The following BICRA variants were observed in gnomAD, a reference collection of about 807,000 sequenced individuals.
The protein encoded by BICRA is BRD4-interacting chromatin-remodeling complex-associated protein.
A neutral mutation model predicts 96.9 loss-of-function variants in BICRA; 31 were observed. The observed-to-expected ratio is 0.32, with a 90% CI of 0.24 to 0.43. The LOEUF is 0.43. Ranked by LOEUF, BICRA falls within the 20% of genes least tolerant of loss-of-function variation. The pLI, the probability that BICRA is intolerant of heterozygous loss-of-function variation, is 1.00. For synonymous variants in BICRA, 1,350 were observed against 1,071.8 expected, an observed-to-expected ratio of 1.26 and a Z score of -5.07; for missense variants, 2,283 against 2,190.3, an observed-to-expected ratio of 1.04 and a Z score of -0.84.
Position 47,696,894 on chromosome 19 carries a change from G to C in BICRA, c.3248+382G>C, listed in dbSNP as rs549867088. Among the ~76,000 whole-genome samples the C allele has an allele frequency of 7.9e-5, 12 of 152,154 alleles. No individual in the cohort carries two copies. In the South Asian group the frequency reaches 1.5e-3, roughly 18 times the overall value. The stretch of plus-strand genomic sequence containing the variant: ...GACATGGCTGTTGGGAGGATGATGG[G>C]GGGGGTGTTTGGGGATGGATGGATG... On this transcript the variant is annotated intron_variant, in intron 11 of 14. Transcript: ENST00000594866.
intron 1 of BICRA, among the ~76,000 whole-genome samples, chr19:47,652,172 G>A (rs541520709): frequency 1.3e-5 from 2 of 152,240 alleles, no homozygotes; most frequent in East Asian, 3.9e-4. Flanking sequence ...TTTCAGGTAT[G>A]GAAGGGTGGA....
At chr19:47,617,241 C>G (rs1421768953) in intron 1 of BICRA, among the ~76,000 whole-genome samples, 1 of 152,086 alleles carries the variant, frequency 6.6e-6, no homozygotes, top group Non-Finnish European at 1.5e-5. Context: ...TCCCAAAGTC[C>G]TGGGATTATA....
rs890072655 is a variant in BICRA, at chr19:47,693,970, G to T, written c.2284-145G>T. The T allele has an allele frequency of 4.2e-6, 4 of 949,174 alleles. No homozygotes were observed. The African/African-American group carries it at 5.1e-5, about 12-fold the overall frequency. 58.8% of individuals were successfully genotyped at this position (949,174 alleles called of 1,614,324 possible). A position where few individuals can be genotyped will look rare whatever the true frequency, so the allele number is the denominator to read the frequency against. ...AGAGGCGAGGGAGGGAAGGGCAGCC[G>T]TGGTGGGCTCCTCTCTCAGGATGGG... On this transcript the variant is annotated intron_variant, in intron 7 of 14. Coordinates refer to ENST00000594866, the MANE Select transcript of BICRA (RefSeq NM_001394372.1).
Position 47,698,539 on chromosome 19 carries a change from T to G in BICRA, c.3249-95T>G. The G allele has an allele frequency of 1.4e-6, 1 of 697,966 alleles. No individual in the cohort carries two copies. The highest frequency in any genetic ancestry group is 1.6e-5 in the South Asian group (1 of 61,658). 43.2% of individuals were successfully genotyped at this position (697,966 alleles called of 1,614,324 possible). On this transcript the variant is annotated intron_variant, in intron 11 of 14. Coordinates refer to ENST00000594866, the MANE Select transcript of BICRA (RefSeq NM_001394372.1). The surrounding 1 kb of genome is among the most constrained non-coding windows in gnomAD (Gnocchi z 4.8). ...TCCCCTTCCCGCTGTTGTGTTCAGT[T>G]GCGGCCTGGGGCTGAGGGTTCAGGG...
At position 47,689,362 on chromosome 19, in the gene BICRA, C is replaced by T. The variant is rs534651026; in HGVS notation, c.2284-4753C>T. Among the ~76,000 whole-genome samples the T allele has an allele frequency of 5.9e-5, 9 of 151,972 alleles. No individual in the cohort carries two copies. In the South Asian group the frequency reaches 1.2e-3, roughly 21 times the overall value. ...CAAGCAGTCCTCCTGCCTTGGCCTC[C>T]GAGAGTGCTGGGATTACAGGCATGA... On this transcript the variant is annotated intron_variant, in intron 7 of 14. Transcript: ENST00000594866.
At chr19:47,673,636 C>G in intron 3 of BICRA, 21 bp downstream of exon 3, 1 of 1,582,878 alleles carries the variant, frequency 6.3e-7, no homozygotes, top group African/African-American at 1.3e-5. Context: ...GGCTCCCCAC[C>G]CCCTGCCCTC....
At chr19:47,631,940 C>T (rs534220206) in intron 1 of BICRA, among the ~76,000 whole-genome samples, 4 of 152,328 alleles carry the variant, frequency 2.6e-5, no homozygotes, top group South Asian at 2.1e-4. Flanking sequence ...TGAGCTACTG[C>T]GCCCGGCCTT....
At chr19:47,664,908 C>CT (rs147583600) in intron 1 of BICRA, among the ~76,000 whole-genome samples, 50,643 of 151,654 alleles carry the variant, frequency 0.33, 8,995 homozygotes, top group East Asian at 0.58. Context: ...GGAGCAGGCC[C>CT]ACTGGGTGGG....
chr19:47,695,269 G>C (rs1160882897), intron 9 of BICRA, 96 bp from the exon 10 acceptor site: 3 of 773,640 alleles, frequency 3.9e-6, no homozygotes, highest in Non-Finnish European at 6.5e-6. Context: ...AGGGCCAGGA[G>C]GAGAGCGGTG....
chr19:47,681,127 C>G lies in BICRA; in HGVS notation c.1957C>G (p.Pro653Ala), dbSNP rs755526837. The G allele has an allele frequency of 6.7e-7, 1 of 1,500,508 alleles. No homozygotes were observed. The highest frequency in any genetic ancestry group is 1.2e-5 in the South Asian group (1 of 82,404). 92.9% of individuals were successfully genotyped at this position (1,500,508 alleles called of 1,614,324 possible). A position where few individuals can be genotyped will look rare whatever the true frequency, so the allele number is the denominator to read the frequency against. Reference protein sequence around the residue: ...QAQQPPQAPTPQAAAPPQATT... With the variant: ...QAQQPPQAPTAQAAAPPQATT... ...GCAGCAGCCCCCGCAGGCCCCCACCCCACAGGCCGCCGCCCCGCCTCAGGC... is the reference window on the plus strand; with the variant it reads ...GCAGCAGCCCCCGCAGGCCCCCACCGCACAGGCCGCCGCCCCGCCTCAGGC... Residue 653 changes from proline to alanine, a missense_variant, in exon 6 of 15, where the codon CCA (proline) becomes GCA (alanine). By Grantham distance (27) the Pro-to-Ala change is conservative. Coordinates refer to ENST00000594866, the MANE Select transcript of BICRA (RefSeq NM_001394372.1).
rs1260597505 is a variant in BICRA at position 47,679,978 on chromosome 19, T to A, written c.808T>A (p.Ser270Thr). 6.8e-7 allele frequency: 1 copy of A among 1,481,132 alleles called. No individual in the cohort carries two copies. The highest frequency in any genetic ancestry group is 2.4e-5 in the Admixed American group (1 of 40,996). The allele number at this position is 1,481,132 out of a possible 1,614,324, so 91.7% of individuals were successfully genotyped here. A position where few individuals can be genotyped will look rare whatever the true frequency, so the allele number is the denominator to read the frequency against. Residue 270 changes from serine to threonine, a missense_variant, in exon 6 of 15, where the codon TCG becomes ACG. Ser to Thr is a moderately conservative substitution (Grantham distance 58). Transcript: ENST00000594866. ...SGYLASAAGP[S>T]EPVTLASAGV... is the part of the protein sequence containing the mutation. ...CTACCTGGCCTCGGCGGCTGGCCCCTCGGAGCCCGTGACGCTGGCGTCGGC... is the reference window on the plus strand; with the variant it reads ...CTACCTGGCCTCGGCGGCTGGCCCCACGGAGCCCGTGACGCTGGCGTCGGC...
Position 47,701,839 on chromosome 19 carries a change from C to T in BICRA, c.4107C>T (p.Ala1369=), listed in dbSNP as rs977718836. 57 of 1,518,424 alleles carry T rather than the reference C, an allele frequency of 3.8e-5. No individual in the cohort carries two copies. The African/African-American group carries it at 5.9e-4, about 16-fold the overall frequency. The allele number at this position is 1,518,424 out of a possible 1,614,324, so 94.1% of individuals were successfully genotyped here. A position where few individuals can be genotyped will look rare whatever the true frequency, so the allele number is the denominator to read the frequency against. ...MNGTVDHPPP[A]APERKPLGTA... ...GCACGGTGGACCACCCGCCGCCTGC[C>T]GCCCCCGAGCGCAAGCCCCTGGGCA... The change falls in exon 15 of 15, where the codon GCC becomes GCT. Residue 1369 remains alanine, a synonymous_variant. Transcript: ENST00000594866. The surrounding 1 kb of genome is among the most constrained non-coding windows in gnomAD (Gnocchi z 5.4).
intron 3 of BICRA, 39 bp downstream of exon 3, chr19:47,673,654 AC>A (rs1396909908): frequency 1.3e-6 from 2 of 1,526,904 alleles, no homozygotes; most frequent in East Asian, 2.3e-5. Flanking sequence ...CTCTGTCTCA[AC>A]CCCCTCCCTT....
intron 4 of BICRA, 88 bp downstream of exon 4, chr19:47,673,850 G>A: frequency 1.7e-6 from 2 of 1,158,378 alleles, no homozygotes; most frequent in South Asian, 2.4e-5. Context: ...TCCCTTTGAT[G>A]AGGTAGCCAT....
chr19:47,693,612 T>G (rs1973274425), intron 7 of BICRA, among the ~76,000 whole-genome samples: 1 of 152,218 alleles, frequency 6.6e-6, no homozygotes, highest in Non-Finnish European at 1.5e-5. Context: ...TGCTGGTGTC[T>G]CTTTGCCTTG....
intron 1 of BICRA, among the ~76,000 whole-genome samples, chr19:47,635,045 A>C (rs530851866): frequency 1.3e-5 from 2 of 152,270 alleles, no homozygotes; most frequent in South Asian, 2.1e-4. Flanking sequence ...TACAGGCGTG[A>C]GCCACCGCTC....
chr19:47,634,470 C>T (rs1972268490), intron 1 of BICRA, among the ~76,000 whole-genome samples: 1 of 152,176 alleles, frequency 6.6e-6, no homozygotes, highest in South Asian at 2.1e-4. Flanking sequence ...GGGTTTCACT[C>T]ACTTTCTCTC....
chr19:47,702,013 G>C lies in BICRA; in HGVS notation c.4281G>C (p.Gly1427=), dbSNP rs1459717105. The C allele has an allele frequency of 1.3e-6, 2 of 1,489,010 alleles. No homozygotes were observed. The highest frequency in any genetic ancestry group is 1.8e-6 in the Non-Finnish European group (2 of 1,128,444). 92.2% of individuals were successfully genotyped at this position (1,489,010 alleles called of 1,614,324 possible). A position where few individuals can be genotyped will look rare whatever the true frequency, so the allele number is the denominator to read the frequency against. The stretch of plus-strand genomic sequence containing the variant: ...CCAAAGTGGACGAGGCCACCAGCGG[G>C]CTCATCCGCGAGCTGGCGGCCGTGG... ...LPAKVDEATS[G]LIRELAAVED... The change falls in exon 15 of 15, where the codon GGG becomes GGC. Residue 1427 remains glycine (G), a synonymous_variant. Coordinates refer to ENST00000594866, the MANE Select transcript of BICRA (RefSeq NM_001394372.1).
Position 47,695,422 on chromosome 19 carries a change from T to A in BICRA, c.3134T>A (p.Leu1045Gln). The A allele has an allele frequency of 7.1e-7, 1 of 1,399,040 alleles. No homozygotes were observed. Among genetic ancestry groups the A allele is most frequent in the South Asian group, 1.2e-5 (1 of 85,706 alleles). 86.7% of individuals were successfully genotyped at this position (1,399,040 alleles called of 1,614,324 possible). ...NKAFASNLPT[L>Q]NVAKAASSGP... is the part of the protein sequence containing the mutation. ...GCTTTTGCCAGCAACCTCCCGACCC[T>A]GAATGTGGCCAAGGCCGCTTCCTCC... is the stretch of plus-strand genomic sequence containing the variant. The change falls in exon 10 of 15, where the codon CTG (leucine) becomes CAG (glutamine). Residue 1045 changes from leucine (L) to glutamine (Q), a missense_variant. Coordinates refer to ENST00000594866, the MANE Select transcript of BICRA (RefSeq NM_001394372.1).
Sources: allele counts gnomAD v4.1 joint callset (sites outside exome capture counted in the v4.1 genomes callset), GRCh38; gene constraint gnomAD v4.1.1; non-coding constraint Gnocchi (gnomAD v3.1); transcripts MANE v1.5; gene names NCBI Gene and HGNC (gene_info 2026-07-23, HGNC 2026-07-21).